Variants in ZNF777 observed in about 807,000 individuals in gnomAD.
ZNF777 encodes the protein zinc finger protein 777.
In ZNF777, 7 loss-of-function variants were observed where a neutral mutation model predicts 72.1. The ratio of observed to expected loss-of-function variants is 0.10; its 90% CI spans 0.06 to 0.18. The LOEUF is 0.18. Among genes scored for constraint, ZNF777 ranks in the 10% least tolerant of loss-of-function variants. The pLI, the probability that ZNF777 is intolerant of heterozygous loss-of-function variation, is 1.00. For synonymous variants in ZNF777, 545 were observed against 483.5 expected (o/e 1.13, Z -1.67); for missense variants, 828 against 1,128.6 (o/e 0.73, Z 3.82).
chr7:149,437,799 C>CTTTTTT (rs796721387), intron 4 of ZNF777, among the ~76,000 whole-genome samples: 6 of 115,644 alleles, frequency 5.2e-5, no homozygotes, highest in Non-Finnish European at 5.2e-5. Flanking sequence ...ATGTTTGTTT[C>CTTTTTT]TTTTTCTTTT....
Position 149,436,631 on chromosome 7 carries a change from C to G in ZNF777, c.1283G>C (p.Gly428Ala). 2 of 1,613,534 alleles carry G rather than the reference C, an allele frequency of 1.2e-6. No homozygotes were observed. The highest frequency in any genetic ancestry group is 2.2e-5 in the South Asian group (2 of 91,086). Reference sequence around the variant, plus strand: ...CTTCAGTTCGCTGAACTCGCTGGAGCCTTCCGTGGACTCCTCCAGCGTGTT... The same window carrying G: ...CTTCAGTTCGCTGAACTCGCTGGAGGCTTCCGTGGACTCCTCCAGCGTGTT... ...PENTLEESTEGSSEFSELKQM... is the reference protein window; with the variant it reads ...PENTLEESTEASSEFSELKQM... Residue 428 changes from glycine (G) to alanine (A), a missense_variant, in exon 5 of 6, where the codon GGC becomes GCC. Physicochemically the swap from Gly to Ala is moderately conservative, Grantham distance 60. Transcript: ENST00000247930. The surrounding 1 kb of genome is among the most constrained non-coding windows in gnomAD (Gnocchi z 5.0).
rs376066915 is a variant in ZNF777, at chr7:149,455,608, G to A, written c.415C>T (p.Pro139Ser). The change falls in exon 2 of 6, where the codon CCC becomes TCC. Residue 139 changes from proline to serine, a missense_variant. By Grantham distance (74) the Pro-to-Ser change is moderately conservative. Transcript: ENST00000247930. The surrounding 1 kb of genome is among the most constrained non-coding windows in gnomAD (Gnocchi z 4.2). ...GGAACTGTTGGGGAAAGGGTCAGGG[G>A]GTCTTTCTCAGGAGCTTCAGGGGAG... Reference protein sequence around the residue: ...VHSPEAPEKDPLTLSPTVPET... With the variant: ...VHSPEAPEKDSLTLSPTVPET... The A allele has an allele frequency of 1.3e-4, 212 of 1,609,266 alleles. 2 individuals are homozygous for A. In the East Asian group the frequency reaches 1.7e-3, roughly 13 times the overall value.
In ZNF777 at chr7:149,460,758, G is replaced by A. The variant is rs1220242191; in HGVS notation, c.-16+57C>T. The A allele has an allele frequency of 6.6e-6, 1 of 152,232 alleles. No individual in the cohort carries two copies. Among genetic ancestry groups the A allele is most frequent in the Non-Finnish European group, 1.5e-5 (1 of 68,128 alleles). 9.4% of individuals were successfully genotyped at this position (152,232 alleles called of 1,614,324 possible). ...CCCTGAGCCCGGGCCAGCCCGTCGT[G>A]GAGCCCGGGCCGAACCGCCGGGGCC... On this transcript the variant is annotated intron_variant, in intron 1 of 5. Transcript: ENST00000247930. This position sits in a 1 kb window ranked among gnomAD's most constrained non-coding sequence, Gnocchi z 6.1.
rs1799921134 is a variant in ZNF777 at position 149,460,181 on chromosome 7, G to A, written c.-16+634C>T. On this transcript the variant is annotated intron_variant, in intron 1 of 5. Transcript: ENST00000247930. This position sits in a 1 kb window ranked among gnomAD's most constrained non-coding sequence, Gnocchi z 6.1. ...CTGTCCGGCCCGGGCCCCCGGAGTC[G>A]CCGCCGCTACTGCCGCCGCCGCTAC... 3.5e-6 allele frequency: 3 copies of A among 864,460 alleles called. No homozygotes were observed. The highest frequency in any genetic ancestry group is 5.3e-5 in the South Asian group (1 of 19,022). The allele number at this position is 864,460 out of a possible 1,614,324, so 53.5% of individuals were successfully genotyped here.
chr7:149,442,548 A>C (rs551602449), intron 4 of ZNF777, among the ~76,000 whole-genome samples: 12 of 151,012 alleles, frequency 7.9e-5, no homozygotes, highest in Non-Finnish European at 1.5e-4. Flanking sequence ...TGAACCCAGG[A>C]GGTGGAGGTT....
Position 149,432,885 on chromosome 7 carries a change from C to T in ZNF777, c.1387G>A (p.Glu463Lys). Residue 463 changes from glutamate to lysine, a missense_variant, in exon 6 of 6, where the codon GAG becomes AAG. Around this residue, in one of 12 missense-constraint regions of ZNF777, gnomAD observed 219 missense variants for 223.0 expected, o/e 0.98. Transcript: ENST00000247930. ...TEEQDEEEEE[E>K]EEDELPQHLQ... is the part of the protein sequence containing the mutation. ...TGCTGCGGCAGCTCATCCTCCTCCT[C>T]CTCTTCTTCCTCCTCGTCTTGTTCC... 1 of 1,538,172 alleles carries T rather than the reference C, an allele frequency of 6.5e-7. No homozygotes were observed. Among genetic ancestry groups the T allele is most frequent in the Non-Finnish European group, 8.7e-7 (1 of 1,143,584 alleles).
intron 4 of ZNF777, among the ~76,000 whole-genome samples, chr7:149,442,734 C>G (rs1204146315): frequency 6.6e-6 from 1 of 151,538 alleles, no homozygotes; most frequent in African/African-American, 2.4e-5. Flanking sequence ...AATAAAAAGA[C>G]GAGTAATCCA....
At chr7:149,443,872 C>T (rs951977999) in intron 4 of ZNF777, among the ~76,000 whole-genome samples, 1 of 152,186 alleles carries the variant, frequency 6.6e-6, no homozygotes, top group Non-Finnish European at 1.5e-5. Context: ...GGATTAGAGG[C>T]GCGAGCCACC....
chr7:149,459,975 C>T, intron 1 of ZNF777: 1 of 911,550 alleles, frequency 1.1e-6, no homozygotes, highest in Non-Finnish European at 1.3e-6. Flanking sequence ...CGCGCGGGCC[C>T]CCTCCAGGGC....
At position 149,454,220 on chromosome 7, in the gene ZNF777, A is replaced by G. The variant is rs1799779325; in HGVS notation, c.864T>C (p.Asp288=). ...GEVPKVPVTF[D]DVAVHFSEQE... ...GCTCCGAGAAGTGCACAGCAACATCATCAAATGTGACAGGGACCTGAAACC... is the reference window on the plus strand; with the variant it reads ...GCTCCGAGAAGTGCACAGCAACATCGTCAAATGTGACAGGGACCTGAAACC... Residue 288 remains aspartate (D), a synonymous_variant, in exon 3 of 6, where the codon GAT becomes GAC. Transcript: ENST00000247930. 6.2e-7 allele frequency: 1 copy of G among 1,613,980 alleles called. No homozygotes were observed. The highest frequency in any genetic ancestry group is 8.5e-7 in the Non-Finnish European group (1 of 1,180,026).
In ZNF777 at chr7:149,455,782, G is replaced by A. The variant is rs779571363; in HGVS notation, c.241C>T (p.Leu81Phe). 2 of 1,609,798 alleles carry A rather than the reference G, an allele frequency of 1.2e-6. No homozygotes were observed. The highest frequency in any genetic ancestry group is 2.2e-5 in the East Asian group (1 of 44,854). ...MPHVLQKGPS[L>F]LCSAASEQET... ...TGCTCAGAAGCGGCAGAACACAGGA[G>A]TGAGGGTCCCTTCTGGAGCACATGT... The change falls in exon 2 of 6, where the codon CTC becomes TTC. Residue 81 changes from leucine (L) to phenylalanine (F), a missense_variant. Physicochemically the swap from Leu to Phe is conservative, Grantham distance 22. Coordinates refer to ENST00000247930, the MANE Select transcript of ZNF777 (RefSeq NM_015694.3). This position sits in a 1 kb window ranked among gnomAD's most constrained non-coding sequence, Gnocchi z 4.2.
intron 4 of ZNF777, among the ~76,000 whole-genome samples, chr7:149,443,238 C>G (rs939304690): frequency 6.6e-6 from 1 of 151,722 alleles, no homozygotes; most frequent in East Asian, 1.9e-4. Flanking sequence ...TATATTCTGA[C>G]GTAAAAATGT....
chr7:149,447,537 C>T (rs950514634), intron 4 of ZNF777, among the ~76,000 whole-genome samples: 1 of 152,176 alleles, frequency 6.6e-6, no homozygotes, highest in African/African-American at 2.4e-5. Flanking sequence ...TCAACACCCA[C>T]CAATCCCTAA....
At chr7:149,459,838 AG>A (rs1799911390) in intron 1 of ZNF777, 1 of 984,222 alleles carries the variant, frequency 1.0e-6, no homozygotes, top group African/African-American at 1.8e-5. Flanking sequence ...CGGGCCCCGC[AG>A]GGAGCGAGCG....
intron 4 of ZNF777, among the ~76,000 whole-genome samples, chr7:149,442,314 C>A (rs1284926948): frequency 2.0e-5 from 3 of 148,940 alleles, no homozygotes; most frequent in African/African-American, 5.0e-5. Flanking sequence ...GACACACACA[C>A]AAAATATAAA....
intron 4 of ZNF777, among the ~76,000 whole-genome samples, chr7:149,450,017 T>C (rs147676853): frequency 5.9e-5 from 9 of 152,280 alleles, no homozygotes; most frequent in African/African-American, 2.2e-4. Context: ...TCAACGACAT[T>C]AGTTCCTAAC....
chr7:149,445,054 C>T (rs1799580329), intron 4 of ZNF777, among the ~76,000 whole-genome samples: 1 of 152,044 alleles, frequency 6.6e-6, no homozygotes, highest in South Asian at 2.1e-4. Context: ...CCCTTCCATC[C>T]TTTATTTTTA....
At position 149,432,490 on chromosome 7, in the gene ZNF777, G is replaced by A. The variant is rs769002973; in HGVS notation, c.1782C>T (p.Arg594=). Residue 594 remains arginine, a synonymous_variant, in exon 6 of 6, where the codon CGC becomes CGT. Transcript: ENST00000247930. Reference sequence around the variant, plus strand: ...CGCAGCCTCCGCGCACGCGGTGGATGCGCTGGTGCAGCGTGAGCTGTTGCT... The same window carrying A: ...CGCAGCCTCCGCGCACGCGGTGGATACGCTGGTGCAGCGTGAGCTGTTGCT... ...RHKQQLTLHQ[R]IHRVRGGCVS... The A allele has an allele frequency of 1.6e-5, 26 of 1,613,760 alleles. No homozygotes were observed. The highest frequency in any genetic ancestry group is 6.6e-5 in the South Asian group (6 of 91,092).
intron 4 of ZNF777, among the ~76,000 whole-genome samples, chr7:149,444,637 C>T (rs900163360): frequency 2.6e-5 from 4 of 152,194 alleles, no homozygotes; most frequent in Non-Finnish European, 5.9e-5. Context: ...CATATTTAAT[C>T]GAAATAGTCT....
Sources: allele counts gnomAD v4.1 joint callset (sites outside exome capture counted in the v4.1 genomes callset), GRCh38; gene constraint gnomAD v4.1.1; regional missense constraint gnomAD v4.1.1; non-coding constraint Gnocchi (gnomAD v3.1); transcripts MANE v1.5; gene names NCBI Gene and HGNC (gene_info 2026-07-23, HGNC 2026-07-21).